The following PDE4C variants were observed in gnomAD, a reference collection of about 807,000 sequenced individuals.
PDE4C encodes phosphodiesterase 4C, also known as 3',5'-cyclic-AMP phosphodiesterase 4C.
A neutral mutation model predicts 63.9 loss-of-function variants in PDE4C; 50 were observed. The observed-to-expected ratio is 0.78, with a 90% CI of 0.62 to 0.99. The LOEUF is 0.99. Ranked by LOEUF, PDE4C falls within the 50% of genes least tolerant of loss-of-function variation. The pLI is 0.00. For missense variants in PDE4C, 777 were observed against 899.1 expected (o/e 0.86, Z 1.74); for synonymous variants, 377 against 385.1 (o/e 0.98, Z 0.25).
upstream of PDE4C, chr19:18,252,071 A>AG: frequency 2.5e-6 from 1 of 398,846 alleles, no homozygotes; most frequent in Non-Finnish European, 4.4e-6. Context: ...CACCTGGGCC[A>AG]GGGGGCTCCA....
At chr19:18,241,787 C>A (rs1398780848) in intron 1 of PDE4C, among the ~76,000 whole-genome samples, 1 of 150,710 alleles carries the variant, frequency 6.6e-6, no homozygotes, top group Admixed American at 6.6e-5. Flanking sequence ...TGGGCTCAAG[C>A]GATCCACAAA....
chr19:18,249,351 C>T (rs903210773), upstream of PDE4C, among the ~76,000 whole-genome samples: 9 of 151,980 alleles, frequency 5.9e-5, no homozygotes, highest in South Asian at 6.2e-4. Context: ...CTCAGCTTAC[C>T]GCAACCTCTG....
chr19:18,220,149 G>C lies in PDE4C; in HGVS notation c.706+77C>G, dbSNP rs888202506. 6 of 1,151,276 alleles carry C rather than the reference G, an allele frequency of 5.2e-6. No individual in the cohort carries two copies. The highest frequency in any genetic ancestry group is 7.8e-6 in the Non-Finnish European group (6 of 764,840). The allele number at this position is 1,151,276 out of a possible 1,614,324, so 71.3% of individuals were successfully genotyped here. A position where few individuals can be genotyped will look rare whatever the true frequency, so the allele number is the denominator to read the frequency against. ...TCTGGCTGTATCTCCCCCAGACTGAGGTCTATCATAGGAATCTTTCTTTTG... is the reference window on the plus strand; with the variant it reads ...TCTGGCTGTATCTCCCCCAGACTGACGTCTATCATAGGAATCTTTCTTTTG... On this transcript the variant is annotated intron_variant, in intron 7 of 14. Transcript: ENST00000262805. The surrounding 1 kb of genome is among the most constrained non-coding windows in gnomAD (Gnocchi z 5.1).
chr19:18,232,670 T>G (rs930670104), intron 1 of PDE4C, among the ~76,000 whole-genome samples: 1 of 150,626 alleles, frequency 6.6e-6, no homozygotes, highest in Admixed American at 6.7e-5. Context: ...CAAACACATC[T>G]GGTCACCCCA....
At chr19:18,230,877 C>A (rs970231760), upstream of PDE4C, among the ~76,000 whole-genome samples, 5 of 152,168 alleles carry the variant, frequency 3.3e-5, no homozygotes, top group African/African-American at 1.2e-4. Context: ...GTTGCGTCTC[C>A]AACACAGGGC....
At chr19:18,254,737 C>T in the PDE4C span, among the ~76,000 whole-genome samples, 1 of 152,128 alleles carries the variant, frequency 6.6e-6, no homozygotes, top group East Asian at 1.9e-4. Flanking sequence ...ATGCGAGAAG[C>T]TCAAGGCTCC....
chr19:18,238,533 C>T (rs143154110), upstream of PDE4C, among the ~76,000 whole-genome samples: 33 of 151,846 alleles, frequency 2.2e-4, no homozygotes, highest in African/African-American at 7.2e-4. Flanking sequence ...CCACTGCGCC[C>T]GGCCGAGACC....
upstream of PDE4C, among the ~76,000 whole-genome samples, chr19:18,228,414 G>A (rs1968785920): frequency 6.6e-6 from 1 of 152,000 alleles, no homozygotes; most frequent in Non-Finnish European, 1.5e-5. Context: ...TTCCCATTTC[G>A]AGGATGGGGC....
In PDE4C at chr19:18,224,085, C is replaced by CT. The variant is rs1968614241; in HGVS notation, c.147-1763dup. On this transcript the variant is annotated intron_variant, in intron 1 of 14. Coordinates refer to ENST00000262805, the Ensembl canonical transcript of PDE4C. ...CCTCCGGGTCTTTGCACAGGCCGTGCTTTCTGCCCGGCCCACCCTCCTCCC... is the reference window on the plus strand; with the variant it reads ...CCTCCGGGTCTTTGCACAGGCCGTGCTTTTCTGCCCGGCCCACCCTCCTCCC... 3 of 514,218 alleles carry CT rather than the reference C, an allele frequency of 5.8e-6. No homozygotes were observed. In the South Asian group the frequency reaches 2.5e-4, roughly 43 times the overall value. The allele number at this position is 514,218 out of a possible 1,614,324, so 31.9% of individuals were successfully genotyped here.
upstream of PDE4C, among the ~76,000 whole-genome samples, chr19:18,238,630 A>G (rs1221613264): frequency 1.3e-5 from 2 of 152,168 alleles, no homozygotes; most frequent in African/African-American, 4.8e-5. Context: ...TTATAATGCT[A>G]TGCACCATAG....
chr19:18,239,204 T>G lies in PDE4C; in HGVS notation c.-209-5804A>C, dbSNP rs568810399. ...AATGAAGGCTCAGAGGTTAAGTAAC[T>G]AGAGCCCAAGGTTGCAATTCATAAA... On this transcript the variant is annotated intron_variant, in intron 1 of 15. Coordinates refer to the PDE4C transcript ENST00000594617. 2.6e-5 allele frequency among the ~76,000 whole-genome samples: 4 copies of G among 152,282 alleles called. No individual in the cohort carries two copies. In the South Asian group the frequency reaches 8.3e-4, roughly 32 times the overall value.
At chr19:18,228,942 A>G (rs1759724775), upstream of PDE4C, among the ~76,000 whole-genome samples, 1 of 151,776 alleles carries the variant, frequency 6.6e-6, no homozygotes. Flanking sequence ...ACATATTATT[A>G]TTATTTTTTG....
chr19:18,228,637 A>G (rs902892842), upstream of PDE4C, among the ~76,000 whole-genome samples: 5 of 152,212 alleles, frequency 3.3e-5, no homozygotes, highest in Non-Finnish European at 7.3e-5. Flanking sequence ...TTTCATCCAT[A>G]TATTTAATTT....
upstream of PDE4C, among the ~76,000 whole-genome samples, chr19:18,229,218 G>T (rs1968800824): frequency 6.6e-6 from 1 of 150,860 alleles, no homozygotes; most frequent in Non-Finnish European, 1.5e-5. Context: ...CAAAGTGCTG[G>T]GATTACAGGC....
At chr19:18,209,842 C>G (rs530978761), downstream of PDE4C, 1 of 151,064 alleles carries the variant, frequency 6.6e-6, no homozygotes, top group East Asian at 2.0e-4. Context: ...TACAGGCACC[C>G]GCCACCATGC....
At chr19:18,238,010 C>T (rs1013885846), upstream of PDE4C, among the ~76,000 whole-genome samples, 40 of 151,946 alleles carry the variant, frequency 2.6e-4, no homozygotes, top group African/African-American at 9.2e-4. Context: ...GGTGGTTTGA[C>T]CCCAGGAGTT....
upstream of PDE4C, among the ~76,000 whole-genome samples, chr19:18,249,050 G>A (rs1403235643): frequency 3.3e-5 from 5 of 151,050 alleles, no homozygotes; most frequent in Non-Finnish European, 5.9e-5. Context: ...AAAAAGAATG[G>A]CTTGAACCCA....
intron 8 of PDE4C, 90 bp from the exon 9 acceptor site, chr19:18,219,128 G>T: frequency 6.3e-7 from 1 of 1,580,800 alleles, no homozygotes; most frequent in Non-Finnish European, 8.7e-7. Flanking sequence ...GTTCCACAGT[G>T]AGCCCCAACT....
exon 1 of PDE4C, chr19:18,233,076 G>A (rs867886084): frequency 1.3e-6 from 2 of 1,570,444 alleles, no homozygotes; most frequent in Non-Finnish European, 8.6e-7. Context: ...GATGCGGATG[G>A]GGCGCCGGGG....
Sources: gnomAD v4.1 joint callset for allele counts (sites outside exome capture counted in the v4.1 genomes callset) on GRCh38, gnomAD v4.1.1 for gene constraint, Gnocchi (gnomAD v3.1) non-coding constraint, MANE v1.5 for transcripts, NCBI Gene and HGNC (gene_info 2026-07-23, HGNC 2026-07-21) for gene names.